The following IGF2BP1 variants were observed in gnomAD, a reference collection of about 807,000 sequenced individuals.
The protein encoded by IGF2BP1 is insulin-like growth factor 2 mRNA-binding protein 1.
In IGF2BP1, 11 loss-of-function variants were observed where a neutral mutation model predicts 74.9. That is an observed-to-expected ratio of 0.15 (90% CI 0.09 to 0.24). IGF2BP1 has a LOEUF of 0.24. Ranked by LOEUF, IGF2BP1 falls within the 10% of genes least tolerant of loss-of-function variation. The probability of loss-of-function intolerance (pLI) is 1.00; values close to 1 mark genes in which losing one functional copy is unlikely to be tolerated. For missense variants in IGF2BP1, 440 were observed against 757.4 expected, an observed-to-expected ratio of 0.58 and a Z score of 4.92; for synonymous variants, 287 against 281.8, an observed-to-expected ratio of 1.02 and a Z score of -0.18.
chr17:49,043,517 C>T lies in IGF2BP1; in HGVS notation c.1167C>T (p.Ser389=), dbSNP rs775305931. 2.2e-5 allele frequency: 35 copies of T among 1,614,022 alleles called. No individual in the cohort carries two copies. In the Middle Eastern group the frequency reaches 6.6e-4, roughly 30 times the overall value. Residue 389 remains serine (S), a synonymous_variant, in exon 10 of 15, where the codon AGC becomes AGT. Transcript: ENST00000290341. ...GCGCAGTCCCGCCGCCTCCCAGCAG[C>T]GTTACTGGGGCTGCTCCCTATAGCT... ...SSSAVPPPPS[S]VTGAAPYSSF... is the part of the protein sequence containing the mutation.
chr17:48,997,942 G>A lies in IGF2BP1; in HGVS notation c.175+22G>A. The A allele has an allele frequency of 1.2e-6, 2 of 1,608,988 alleles. No individual in the cohort carries two copies. Among genetic ancestry groups the A allele is most frequent in the Middle Eastern group, 1.7e-4 (1 of 5,990 alleles). On this transcript the variant is annotated intron_variant, in intron 1 of 14. Coordinates refer to ENST00000290341, the MANE Select transcript of IGF2BP1 (RefSeq NM_006546.4). This position sits in a 1 kb window ranked among gnomAD's most constrained non-coding sequence, Gnocchi z 4.8. ...TCCGGTAAGAACACAGCCACCTCCC[G>A]GAAAAGCCACAACGAGAGCCCCGAA... is the stretch of plus-strand genomic sequence containing the variant.
intron 2 of IGF2BP1, among the ~76,000 whole-genome samples, chr17:49,001,138 GT>G (rs2041483976): frequency 6.6e-6 from 1 of 152,076 alleles, no homozygotes; most frequent in South Asian, 2.1e-4. Flanking sequence ...AAGAAAGTTT[GT>G]TTTCATTAAG....
chr17:49,005,963 G>A (rs2143936820), intron 2 of IGF2BP1, among the ~76,000 whole-genome samples: 1 of 152,316 alleles, frequency 6.6e-6, no homozygotes, highest in East Asian at 1.9e-4. Flanking sequence ...TCGGGAGGCT[G>A]AGGCCAGAGA....
chr17:49,044,935 C>A, intron 11 of IGF2BP1, 56 bp from the exon 12 acceptor site: 2 of 1,426,118 alleles, frequency 1.4e-6, no homozygotes, highest in Non-Finnish European at 2.0e-6. Flanking sequence ...ATGAAGTGGA[C>A]ATGGTGGGGG....
rs759561846 is a variant in IGF2BP1 at position 48,997,724 on chromosome 17, G to T, written c.-22G>T. On this transcript the variant is annotated 5_prime_UTR_variant, in exon 1 of 15. Coordinates refer to ENST00000290341, the MANE Select transcript of IGF2BP1 (RefSeq NM_006546.4). The surrounding 1 kb of genome is among the most constrained non-coding windows in gnomAD (Gnocchi z 4.8). ...CTCGTTCGGCCTTGCCCGGGACCGCGTCCTGCCCCGAGACCGCCACCATGA... is the reference window on the plus strand; with the variant it reads ...CTCGTTCGGCCTTGCCCGGGACCGCTTCCTGCCCCGAGACCGCCACCATGA... 1 of 1,608,966 alleles carries T rather than the reference G, an allele frequency of 6.2e-7. No homozygotes were observed. The highest frequency in any genetic ancestry group is 1.1e-5 in the South Asian group (1 of 90,306).
chr17:49,006,046 C>T (rs1360229680), intron 2 of IGF2BP1, among the ~76,000 whole-genome samples: 2 of 152,070 alleles, frequency 1.3e-5, no homozygotes, highest in Non-Finnish European at 2.9e-5. Context: ...TGGGTAACAG[C>T]GAGACTGTGT....
At chr17:49,028,756 C>T (rs577465709) in intron 4 of IGF2BP1, among the ~76,000 whole-genome samples, 1 of 152,308 alleles carries the variant, frequency 6.6e-6, no homozygotes, top group South Asian at 2.1e-4. Context: ...TCAAAAGTCA[C>T]TTTGTGAGTG....
In IGF2BP1 at chr17:49,054,896, T is replaced by C. The variant is rs2042207285; in HGVS notation, c.*5452T>C. On this transcript the variant is annotated 3_prime_UTR_variant, in exon 15 of 15. Transcript: ENST00000290341. ...TGGGGGAGTCTGAGGGCGCGGTCCT[T>C]GGACTCATTCAGGCCGTCTTTGTAG... 1 of 152,468 alleles carries C rather than the reference T, an allele frequency of 6.6e-6. No homozygotes were observed. The highest frequency in any genetic ancestry group is 2.1e-4 in the South Asian group (1 of 4,818). The allele number at this position is 152,468 out of a possible 1,614,324, so 9.4% of individuals were successfully genotyped here.
At chr17:49,008,634 A>G (rs1004739230) in intron 2 of IGF2BP1, among the ~76,000 whole-genome samples, 1 of 152,206 alleles carries the variant, frequency 6.6e-6, no homozygotes, top group Non-Finnish European at 1.5e-5. Flanking sequence ...TAACTAAAAG[A>G]GGAATGCTGT....
In IGF2BP1 at chr17:48,997,826, C is replaced by G; in HGVS notation, c.81C>G (p.Ile27Met). 6.2e-7 allele frequency: 1 copy of G among 1,614,210 alleles called. No individual in the cohort carries two copies. Among genetic ancestry groups the G allele is most frequent in the Non-Finnish European group, 8.5e-7 (1 of 1,180,024 alleles). The stretch of plus-strand genomic sequence containing the variant: ...AGAAAGTGTTTGCGGAGCACAAGAT[C>G]TCCTACAGCGGCCAGTTCTTGGTCA... ...DLEKVFAEHKISYSGQFLVKS... is the reference protein window; with the variant it reads ...DLEKVFAEHKMSYSGQFLVKS... The change falls in exon 1 of 15, where the codon ATC becomes ATG. Residue 27 changes from isoleucine (I) to methionine (M), a missense_variant. This residue lies in a region of IGF2BP1 where 105 missense variants were observed against 199.4 expected (regional missense o/e 0.53). Coordinates refer to ENST00000290341, the MANE Select transcript of IGF2BP1 (RefSeq NM_006546.4). The surrounding 1 kb of genome is among the most constrained non-coding windows in gnomAD (Gnocchi z 4.8).
intron 7 of IGF2BP1, 129 bp from the exon 8 acceptor site, chr17:49,041,249 T>C (rs1219132594): frequency 3.8e-5 from 35 of 916,880 alleles, no homozygotes; most frequent in Non-Finnish European, 5.4e-5. Flanking sequence ...TTTTAAAGTA[T>C]GCAGTTTGAT....
intron 5 of IGF2BP1, among the ~76,000 whole-genome samples, chr17:49,035,568 G>T (rs1280455478): frequency 6.6e-6 from 1 of 152,188 alleles, no homozygotes; most frequent in Non-Finnish European, 1.5e-5. Context: ...CTGGGACCTC[G>T]CAGTCTCCCC....
At chr17:49,047,714 CTTTTT>C (rs34788963) in intron 14 of IGF2BP1, among the ~76,000 whole-genome samples, 6 of 137,818 alleles carry the variant, frequency 4.4e-5, no homozygotes, top group Non-Finnish European at 6.3e-5. Context: ...TCAACTTCCT[CTTTTT>C]TTTTTTTTTT....
intron 5 of IGF2BP1, among the ~76,000 whole-genome samples, chr17:49,032,255 G>C (rs1381998935): frequency 6.6e-6 from 1 of 152,170 alleles, no homozygotes; most frequent in African/African-American, 2.4e-5. Flanking sequence ...AGATAAGTGG[G>C]AAATCCCTTG....
chr17:48,999,356 TA>T (rs5820742), intron 2 of IGF2BP1, among the ~76,000 whole-genome samples, 187 bp downstream of exon 2: 1 of 148,096 alleles, frequency 6.8e-6, no homozygotes, highest in African/African-American at 2.5e-5. Flanking sequence ...TTACAGCTTG[TA>T]AAAAAAAAAT....
intron 2 of IGF2BP1, among the ~76,000 whole-genome samples, chr17:49,014,303 T>TGTCTCCCCCTCA (rs2041663869): frequency 9.9e-6 from 1 of 101,404 alleles, no homozygotes; most frequent in Non-Finnish European, 1.9e-5. Flanking sequence ...CGTCCCCCTC[T>TGTCTCCCCCTCA]GTCTCCCCCT....
intron 2 of IGF2BP1, chr17:49,015,102 A>G (rs764361469): frequency 5.1e-6 from 1 of 197,962 alleles, no homozygotes; most frequent in Non-Finnish European, 9.1e-6. Context: ...CCTCCCGAGT[A>G]GCTGGGATTA....
intron 2 of IGF2BP1, among the ~76,000 whole-genome samples, chr17:49,019,945 TA>T (rs2041765462): frequency 2.3e-5 from 1 of 44,270 alleles, no homozygotes; most frequent in Non-Finnish European, 4.7e-5. Context: ...TATATATATA[TA>T]TATTTATATA....
At chr17:49,018,984 G>A (rs2041742055) in intron 2 of IGF2BP1, among the ~76,000 whole-genome samples, 1 of 152,092 alleles carries the variant, frequency 6.6e-6, no homozygotes, top group Admixed American at 6.5e-5. Context: ...GGGGAATTGG[G>A]GCCCCAAACT....
Sources: allele counts gnomAD v4.1 joint callset (sites outside exome capture counted in the v4.1 genomes callset), GRCh38; gene constraint gnomAD v4.1.1; regional missense constraint gnomAD v4.1.1; non-coding constraint Gnocchi (gnomAD v3.1); transcripts MANE v1.5; gene names NCBI Gene and HGNC (gene_info 2026-07-23, HGNC 2026-07-21).